The following APBA2 variants were observed in gnomAD, a reference collection of about 807,000 sequenced individuals.
APBA2 encodes the protein amyloid-beta A4 precursor protein-binding family A member 2.
In APBA2, 30 loss-of-function variants were observed where a neutral mutation model predicts 75.0. The ratio of observed to expected loss-of-function variants is 0.40; its 90% confidence interval spans 0.30 to 0.54. The LOEUF (loss-of-function observed/expected upper bound fraction) is 0.54. APBA2 is among the 20% of genes least tolerant of loss of function. The pLI is 0.49. For missense variants in APBA2, 801 were observed against 1,016.1 expected, an observed-to-expected ratio of 0.79 and a Z score of 2.88; for synonymous variants, 444 against 409.6, an observed-to-expected ratio of 1.08 and a Z score of -1.01.
chr15:28,940,356 CAAAAA>C (rs398043111), intron 2 of APBA2, among the ~76,000 whole-genome samples: 11 of 38,446 alleles, frequency 2.9e-4, no homozygotes, highest in Admixed American at 1.3e-3. Flanking sequence ...ACTAAAAATA[CAAAAA>C]AAAAAAAAAA....
At chr15:29,043,020 C>T (rs879528942) in intron 3 of APBA2, among the ~76,000 whole-genome samples, 14 of 152,130 alleles carry the variant, frequency 9.2e-5, no homozygotes, top group Non-Finnish European at 1.5e-4. Flanking sequence ...GCCAAGGCAC[C>T]GCTATTTCCA....
chr15:28,931,735 G>A (rs1289435825), intron 2 of APBA2, among the ~76,000 whole-genome samples: 4 of 152,128 alleles, frequency 2.6e-5, no homozygotes, highest in African/African-American at 4.8e-5. Context: ...GGATGTTATT[G>A]TCTGCATTTG....
At chr15:29,082,519 C>T (rs571493930) in intron 6 of APBA2, among the ~76,000 whole-genome samples, 1 of 152,320 alleles carries the variant, frequency 6.6e-6, no homozygotes, top group Non-Finnish European at 1.5e-5. Flanking sequence ...CCCTCAGCCC[C>T]TGGCAATTGG....
At chr15:28,903,061 A>G (rs893260374) in intron 1 of APBA2, among the ~76,000 whole-genome samples, 1 of 152,128 alleles carries the variant, frequency 6.6e-6, no homozygotes, top group African/African-American at 2.4e-5. Flanking sequence ...CAAAACATCA[A>G]AGCCTGGTTT....
At position 28,892,072 on chromosome 15, in the gene APBA2, AAT is replaced by A. The variant is rs894328631; in HGVS notation, c.-205+5805_-205+5806del. Among the ~76,000 whole-genome samples the A allele has an allele frequency of 1.5e-3, 197 of 132,092 alleles. 2 individuals carry two copies. The highest frequency in any genetic ancestry group is 4.6e-3 in the Admixed American group (63 of 13,576). 86.7% of individuals were successfully genotyped at this position (132,092 alleles called of 152,430 possible). ...CTAGATGGGGTACTGTGTTATATAT[AAT>A]ATATATATATGTTTTTTTGAGACGG... On this transcript the variant is annotated intron_variant, in intron 1 of 14. Coordinates refer to ENST00000683413, the MANE Select transcript of APBA2 (RefSeq NM_001353788.2).
chr15:29,011,921 CT>C (rs1347707165), intron 3 of APBA2, among the ~76,000 whole-genome samples: 2 of 152,082 alleles, frequency 1.3e-5, no homozygotes, highest in East Asian at 3.9e-4. Context: ...AAGAATGCTG[CT>C]TTTCGTAAAA....
At chr15:28,894,306 G>A (rs2032326744) in intron 1 of APBA2, among the ~76,000 whole-genome samples, 1 of 152,196 alleles carries the variant, frequency 6.6e-6, no homozygotes, top group Non-Finnish European at 1.5e-5. Context: ...CTGTATTCCA[G>A]CTTTCTTGTT....
At chr15:29,037,499 G>T (rs764917264) in intron 3 of APBA2, among the ~76,000 whole-genome samples, 1 of 152,066 alleles carries the variant, frequency 6.6e-6, no homozygotes, top group African/African-American at 2.4e-5. Flanking sequence ...GATTAGAGGG[G>T]CAGCTTCCAG....
chr15:29,014,607 T>C (rs2152819807), intron 3 of APBA2, among the ~76,000 whole-genome samples: 1 of 152,304 alleles, frequency 6.6e-6, no homozygotes, highest in East Asian at 1.9e-4. Context: ...ACTTCTATCA[T>C]TGCAGAAATT....
At chr15:29,080,848 C>T (rs546983195) in intron 6 of APBA2, among the ~76,000 whole-genome samples, 26 of 152,334 alleles carry the variant, frequency 1.7e-4, no homozygotes, top group African/African-American at 5.5e-4. Context: ...ATAACAAAGA[C>T]TGGTAAATCT....
At chr15:29,075,879 A>G (rs1261526282) in intron 5 of APBA2, among the ~76,000 whole-genome samples, 176 bp from the exon 6 acceptor site, 1 of 152,108 alleles carries the variant, frequency 6.6e-6, no homozygotes, top group Non-Finnish European at 1.5e-5. Context: ...CCCCAACATC[A>G]TGTTGCCTGC....
intron 3 of APBA2, among the ~76,000 whole-genome samples, chr15:29,048,750 A>G (rs2041461161): frequency 6.6e-6 from 1 of 151,848 alleles, no homozygotes; most frequent in Non-Finnish European, 1.5e-5. Flanking sequence ...CCTGGCCAAC[A>G]TGGTGAAACC....
chr15:28,952,468 G>C (rs2035942335), intron 2 of APBA2, among the ~76,000 whole-genome samples: 1 of 152,070 alleles, frequency 6.6e-6, no homozygotes, highest in Admixed American at 6.6e-5. Flanking sequence ...GGAAGTTGAG[G>C]CTGCAGTGAG....
chr15:29,054,115 G>A lies in APBA2; in HGVS notation c.231G>A (p.Val77=), dbSNP rs150112431. 3 of 1,614,168 alleles carry A rather than the reference G, an allele frequency of 1.9e-6. No individual in the cohort carries two copies. The part of the protein sequence containing the change: ...SPDGDSSSDY[V]NNTSEEEDYD... ...ATGGGGACTCCAGCTCTGACTACGT[G>A]AACAACACCTCTGAGGAGGAGGACT... Residue 77 remains valine (V), a synonymous_variant, in exon 4 of 15, where the codon GTG becomes GTA. Coordinates refer to ENST00000683413, the MANE Select transcript of APBA2 (RefSeq NM_001353788.2). The surrounding 1 kb of genome is among the most constrained non-coding windows in gnomAD (Gnocchi z 6.1).
At chr15:29,100,503 G>A (rs901152477) in intron 9 of APBA2, among the ~76,000 whole-genome samples, 1 of 152,232 alleles carries the variant, frequency 6.6e-6, no homozygotes, top group Non-Finnish European at 1.5e-5. Context: ...GTGCAGTCTT[G>A]TTAGGTAGGG....
chr15:28,977,856 C>T (rs1015602277), intron 2 of APBA2, among the ~76,000 whole-genome samples: 2 of 152,150 alleles, frequency 1.3e-5, no homozygotes, highest in African/African-American at 4.8e-5. Context: ...CTCTCCCATA[C>T]AGTCGGGTGT....
chr15:28,941,827 G>T (rs1471768530), intron 2 of APBA2, among the ~76,000 whole-genome samples: 2 of 152,246 alleles, frequency 1.3e-5, no homozygotes, highest in Non-Finnish European at 2.9e-5. Context: ...CGCGATCTCA[G>T]CTCACCGCAA....
At chr15:29,073,407 A>G (rs1022740432) in intron 4 of APBA2, among the ~76,000 whole-genome samples, 2 of 152,154 alleles carry the variant, frequency 1.3e-5, no homozygotes, top group Non-Finnish European at 2.9e-5. Context: ...CTGGAGTGCA[A>G]TGGCGCCATC....
At chr15:29,089,687 C>T (rs1394614902) in intron 6 of APBA2, among the ~76,000 whole-genome samples, 9 of 152,278 alleles carry the variant, frequency 5.9e-5, no homozygotes, top group South Asian at 2.1e-4. Context: ...TTTTCCTAAG[C>T]GGTGTTTCAA....
Sources: gnomAD v4.1 joint callset for allele counts (sites outside exome capture counted in the v4.1 genomes callset) on GRCh38, gnomAD v4.1.1 for gene constraint, Gnocchi (gnomAD v3.1) non-coding constraint, MANE v1.5 for transcripts, NCBI Gene and HGNC (gene_info 2026-07-23, HGNC 2026-07-21) for gene names.